TRAK2: variants seen among roughly 807,000 people sequenced by gnomAD.
TRAK2 encodes the protein trafficking kinesin protein 2.
A neutral mutation model predicts 104.6 loss-of-function variants in TRAK2; 81 were observed. The observed-to-expected ratio is 0.77, with a 90% CI of 0.65 to 0.93. The LOEUF (loss-of-function observed/expected upper bound fraction) is 0.93, where lower values mean the gene tolerates loss of function less well. Among genes scored for constraint, TRAK2 ranks in the 40% least tolerant of loss-of-function variants. TRAK2 has a pLI of 0.00. For synonymous variants in TRAK2, 406 were observed against 394.4 expected (o/e 1.03, Z -0.35); for missense variants, 1,002 against 1,089.0 (o/e 0.92, Z 1.12).
At chr2:201,409,296 A>G (rs1430096129) in intron 2 of TRAK2, among the ~76,000 whole-genome samples, 1 of 150,270 alleles carries the variant, frequency 6.7e-6, no homozygotes, top group Non-Finnish European at 1.5e-5. Flanking sequence ...TTTTTTTGAG[A>G]GAGAAGTTTA....
chr2:201,419,708 T>A (rs1023074251), intron 2 of TRAK2, among the ~76,000 whole-genome samples: 2 of 152,156 alleles, frequency 1.3e-5, no homozygotes, highest in Non-Finnish European at 2.9e-5. Flanking sequence ...TGTATCTTCA[T>A]AAACATACCT....
In TRAK2 at chr2:201,378,568, G is replaced by A. The variant is rs1951309243; in HGVS notation, c.*1975C>T. 6.6e-6 allele frequency: 1 copy of A among 152,020 alleles called. No individual in the cohort carries two copies. The highest frequency in any genetic ancestry group is 1.5e-5 in the Non-Finnish European group (1 of 67,992). 9.4% of individuals were successfully genotyped at this position (152,020 alleles called of 1,614,324 possible). A position where few individuals can be genotyped will look rare whatever the true frequency, so the allele number is the denominator to read the frequency against. ...CACTTTATGAAATACAAATTCAAAT[G>A]GTATTTTTTAAAAGTGAATTGGAAT... On this transcript the variant is annotated 3_prime_UTR_variant, in exon 16 of 16. Coordinates refer to ENST00000332624, the MANE Select transcript of TRAK2 (RefSeq NM_015049.3).
At chr2:201,424,201 G>T (rs1951766587) in intron 1 of TRAK2, among the ~76,000 whole-genome samples, 1 of 152,172 alleles carries the variant, frequency 6.6e-6, no homozygotes, top group Admixed American at 6.5e-5. Context: ...ACAATCACTG[G>T]CTACCTGAGC....
intron 6 of TRAK2, 43 bp downstream of exon 6, chr2:201,398,102 T>C (rs369202333): frequency 1.3e-4 from 199 of 1,576,300 alleles, no homozygotes; most frequent in Admixed American, 2.5e-4. Context: ...CTGAACTTTA[T>C]AGCCTTTAAA....
intron 2 of TRAK2, chr2:201,411,533 A>AAT: frequency 4.0e-6 from 3 of 749,270 alleles, no homozygotes; most frequent in Non-Finnish European, 7.5e-6. Flanking sequence ...ACTCCAACCT[A>AAT]TTCAGCATCT....
At chr2:201,414,605 T>C (rs775133670) in intron 2 of TRAK2, among the ~76,000 whole-genome samples, 54 of 152,172 alleles carry the variant, frequency 3.5e-4, no homozygotes, top group Non-Finnish European at 3.1e-4. Context: ...GAGATAGAGA[T>C]GAGGCAGATT....
chr2:201,445,161 T>C (rs537157968), intron 1 of TRAK2, among the ~76,000 whole-genome samples: 1 of 152,148 alleles, frequency 6.6e-6, no homozygotes, highest in Non-Finnish European at 1.5e-5. Context: ...CAATACGGGG[T>C]AGTTAAACAG....
At chr2:201,406,146 TTTAAC>T (rs1463859663) in intron 3 of TRAK2, among the ~76,000 whole-genome samples, 5 of 152,224 alleles carry the variant, frequency 3.3e-5, no homozygotes, top group Admixed American at 1.3e-4. Flanking sequence ...GGAGCCTTAA[TTTAAC>T]TTAATTTAGC....
rs1380541546 is a variant in TRAK2 at position 201,386,254 on chromosome 2, G to C, written c.1927C>G (p.Leu643Val). The change falls in exon 14 of 16, where the codon CTG becomes GTG. Residue 643 changes from leucine to valine, a missense_variant. Physicochemically the swap from Leu to Val is conservative, Grantham distance 32. Coordinates refer to ENST00000332624, the MANE Select transcript of TRAK2 (RefSeq NM_015049.3). ...STSKPVTGIF[L>V]PPITSAGGPV... ...CCACCTGCTGAAGTAATGGGTGGCA[G>C]GAAGATCCCTGTTACTGGCTTGGAT... 6.2e-7 allele frequency: 1 copy of C among 1,614,160 alleles called. No homozygotes were observed. The highest frequency in any genetic ancestry group is 1.1e-5 in the South Asian group (1 of 91,080).
intron 2 of TRAK2, among the ~76,000 whole-genome samples, chr2:201,413,891 T>C (rs1244565107): frequency 1.3e-5 from 2 of 152,150 alleles, no homozygotes; most frequent in African/African-American, 4.8e-5. Context: ...AATCTACTTA[T>C]TGTCCTATTT....
At chr2:201,387,440 A>G (rs1951401475) in intron 13 of TRAK2, among the ~76,000 whole-genome samples, 1 of 152,208 alleles carries the variant, frequency 6.6e-6, no homozygotes. Flanking sequence ...AAGGACAGAA[A>G]AAGATTACTC....
rs1161591367 is a variant in TRAK2 at position 201,438,267 on chromosome 2, T to C, written c.-200+13083A>G. Among the ~76,000 whole-genome samples, 4 of 152,212 alleles carry C rather than the reference T, an allele frequency of 2.6e-5. No homozygotes were observed. The East Asian group carries it at 5.8e-4, about 22-fold the overall frequency. On this transcript the variant is annotated intron_variant, in intron 1 of 15. Coordinates refer to ENST00000332624, the MANE Select transcript of TRAK2 (RefSeq NM_015049.3). ...CCAGCTAATGATGGTAAACAATTTA[T>C]GATAAAGACACAAGGGCCTTCTGTG...
In TRAK2 at chr2:201,389,724, C is replaced by G. The variant is rs541038724; in HGVS notation, c.1193+77G>C. Reference sequence around the variant, plus strand: ...CAAATTACTACTGAATCTCGTAATACTTGCCACTTTGGATTGTGGCTTCTT... The same window carrying G: ...CAAATTACTACTGAATCTCGTAATAGTTGCCACTTTGGATTGTGGCTTCTT... On this transcript the variant is annotated intron_variant, in intron 11 of 15. Coordinates refer to ENST00000332624, the MANE Select transcript of TRAK2 (RefSeq NM_015049.3). 1.0e-5 allele frequency: 14 copies of G among 1,340,526 alleles called. 1 individual carries two copies. In the African/African-American group the frequency reaches 1.8e-4, roughly 17 times the overall value. The allele number at this position is 1,340,526 out of a possible 1,614,324, so 83.0% of individuals were successfully genotyped here.
intron 2 of TRAK2, 32 bp from the exon 3 acceptor site, chr2:201,407,629 A>G: frequency 6.4e-7 from 1 of 1,550,474 alleles, no homozygotes; most frequent in Non-Finnish European, 8.7e-7. Flanking sequence ...AATGAATCCA[A>G]TATATTTCAA....
intron 14 of TRAK2, among the ~76,000 whole-genome samples, chr2:201,385,664 T>C (rs1455096466): frequency 6.6e-6 from 1 of 152,208 alleles, no homozygotes; most frequent in African/African-American, 2.4e-5. Context: ...CCTGGCTGCA[T>C]TTCCTTCATA....
chr2:201,426,288 G>A (rs968885872), intron 1 of TRAK2, among the ~76,000 whole-genome samples: 3 of 152,190 alleles, frequency 2.0e-5, no homozygotes, highest in Non-Finnish European at 4.4e-5. Context: ...GAGGGATCTA[G>A]GTTGCCCACT....
At position 201,398,364 on chromosome 2, in the gene TRAK2, T is replaced by C. The variant is rs980287792; in HGVS notation, c.481-10A>G. 6.9e-6 allele frequency: 11 copies of C among 1,604,474 alleles called. No homozygotes were observed. In the East Asian group the frequency reaches 2.0e-4, roughly 29 times the overall value. On this transcript the variant is annotated splice_polypyrimidine_tract_variant and intron_variant, in intron 5 of 15. Coordinates refer to ENST00000332624, the MANE Select transcript of TRAK2 (RefSeq NM_015049.3). ...GCTGCAGCTGATTAACCTGTCCATA[T>C]AAAATGCTTGATTTTCATGTTCTTT...
intron 1 of TRAK2, among the ~76,000 whole-genome samples, chr2:201,445,231 C>A (rs554090894): frequency 2.0e-5 from 3 of 152,146 alleles, no homozygotes; most frequent in Admixed American, 2.0e-4. Flanking sequence ...TAGAACATCA[C>A]TTATATATAA....
In TRAK2 at chr2:201,381,227, A is replaced by G; in HGVS notation, c.2070-9T>C. 1 of 1,565,532 alleles carries G rather than the reference A, an allele frequency of 6.4e-7. No individual in the cohort carries two copies. The highest frequency in any genetic ancestry group is 2.3e-5 in the East Asian group (1 of 44,216). ...ATGAAGGGAACCCAGAGCTTAAAAAAAAAAAAAAAAAGTGGGAGACAGTGT... is the reference window on the plus strand; with the variant it reads ...ATGAAGGGAACCCAGAGCTTAAAAAGAAAAAAAAAAAGTGGGAGACAGTGT... On this transcript the variant is annotated splice_polypyrimidine_tract_variant and intron_variant, in intron 15 of 15. Transcript: ENST00000332624.
Sources: gnomAD v4.1 joint callset for allele counts (sites outside exome capture counted in the v4.1 genomes callset) on GRCh38, gnomAD v4.1.1 for gene constraint, MANE v1.5 for transcripts, NCBI Gene and HGNC (gene_info 2026-07-23, HGNC 2026-07-21) for gene names.